The following PCDHGA1 variants were observed in gnomAD, a reference collection of about 807,000 sequenced individuals.
PCDHGA1 encodes the protein protocadherin gamma-A1.
In PCDHGA1, 32 loss-of-function variants were observed where a neutral mutation model predicts 58.0. The observed-to-expected ratio is 0.55, with a 90% CI of 0.42 to 0.74. The LOEUF (loss-of-function observed/expected upper bound fraction) is 0.74. Among genes scored for constraint, PCDHGA1 ranks in the 30% least tolerant of loss-of-function variants. The pLI is 0.00. For missense variants in PCDHGA1, 1,205 were observed against 1,182.3 expected, an observed-to-expected ratio of 1.02 and a Z score of -0.28; for synonymous variants, 498 against 501.1, an observed-to-expected ratio of 0.99 and a Z score of 0.08.
At chr5:141,369,791 C>T (rs1275823255) in intron 1 of PCDHGA1, among the ~76,000 whole-genome samples, 1 of 152,190 alleles carries the variant, frequency 6.6e-6, no homozygotes, top group African/African-American at 2.4e-5. Flanking sequence ...CTTTATACTA[C>T]GTCTTCTGCC....
At chr5:141,452,421 C>A (rs1211472567) in intron 1 of PCDHGA1, among the ~76,000 whole-genome samples, 2 of 152,180 alleles carry the variant, frequency 1.3e-5, no homozygotes, top group Non-Finnish European at 2.9e-5. Context: ...ATGCTCACTG[C>A]TAATGGGCTG....
intron 1 of PCDHGA1, chr5:141,356,168 A>G: frequency 6.2e-7 from 1 of 1,613,078 alleles, no homozygotes; most frequent in Non-Finnish European, 8.5e-7. Context: ...GAAGCCCATG[A>G]TGGGCCTGGT....
At position 141,432,275 on chromosome 5, in the gene PCDHGA1, T is replaced by C. The variant is rs775413198; in HGVS notation, c.2422-62532T>C. 2 of 1,614,232 alleles carry C rather than the reference T, an allele frequency of 1.2e-6. No homozygotes were observed. Among genetic ancestry groups the C allele is most frequent in the South Asian group, 2.2e-5 (2 of 91,086 alleles). On this transcript the variant is annotated intron_variant, in intron 1 of 3. Coordinates refer to ENST00000517417, the MANE Select transcript of PCDHGA1 (RefSeq NM_018912.3). This position sits in a 1 kb window ranked among gnomAD's most constrained non-coding sequence, Gnocchi z 6.0. ...AGGGGCAAGCCTATCGTCCTACGTG[T>C]CCATCAACTCCGACACTGGGGTACT... is the stretch of plus-strand genomic sequence containing the variant.
chr5:141,494,048 G>C (rs764072099), intron 1 of PCDHGA1, among the ~76,000 whole-genome samples: 3 of 152,148 alleles, frequency 2.0e-5, no homozygotes, highest in Non-Finnish European at 2.9e-5. Flanking sequence ...GGCCCTGCTT[G>C]GAGGCTGTGG....
chr5:141,401,350 A>G (rs1046893336), intron 1 of PCDHGA1, among the ~76,000 whole-genome samples: 2 of 152,226 alleles, frequency 1.3e-5, no homozygotes, highest in Non-Finnish European at 2.9e-5. Flanking sequence ...CTCAAAAAAA[A>G]GGAAGGAGAA....
In PCDHGA1 at chr5:141,477,982, G is replaced by A; in HGVS notation, c.2422-16825G>A. ...CTAACCAGAGCCTTTTTGCCATAGG[G>A]CTGCACACTGGTCAAATCAGTACTG... is the stretch of plus-strand genomic sequence containing the variant. On this transcript the variant is annotated intron_variant, in intron 1 of 3. Transcript: ENST00000517417. The surrounding 1 kb of genome is among the most constrained non-coding windows in gnomAD (Gnocchi z 4.9). 6.2e-7 allele frequency: 1 copy of A among 1,614,066 alleles called. No individual in the cohort carries two copies. Among genetic ancestry groups the A allele is most frequent in the Non-Finnish European group, 8.5e-7 (1 of 1,180,014 alleles).
intron 1 of PCDHGA1, chr5:141,384,509 G>T: frequency 6.2e-7 from 1 of 1,614,176 alleles, no homozygotes; most frequent in Non-Finnish European, 8.5e-7. Flanking sequence ...GCACATGACA[G>T]CGGGGACCCG....
chr5:141,387,347 T>C (rs1213698437), intron 1 of PCDHGA1, among the ~76,000 whole-genome samples: 1 of 152,152 alleles, frequency 6.6e-6, no homozygotes. Flanking sequence ...TCTGAGACGG[T>C]TTAGGCCAAG....
intron 1 of PCDHGA1, chr5:141,389,804 T>G (rs751634687): frequency 2.3e-5 from 37 of 1,613,616 alleles, no homozygotes; most frequent in Non-Finnish European, 3.1e-5. Flanking sequence ...GCCAGCGCCT[T>G]CTGGTCGCCG....
At chr5:141,433,481 G>C (rs2097613311) in intron 1 of PCDHGA1, among the ~76,000 whole-genome samples, 1 of 152,046 alleles carries the variant, frequency 6.6e-6, no homozygotes, top group African/African-American at 2.4e-5. Flanking sequence ...CTAGCCTCCT[G>C]CTTCTCCCTC....
chr5:141,350,807 C>A (rs541672672), intron 1 of PCDHGA1: 1 of 1,613,974 alleles, frequency 6.2e-7, no homozygotes, highest in South Asian at 1.1e-5. Flanking sequence ...GAAGGAAAGT[C>A]CTGATGGAAG....
At chr5:141,463,728 G>C (rs957615020) in intron 1 of PCDHGA1, among the ~76,000 whole-genome samples, 3 of 152,066 alleles carry the variant, frequency 2.0e-5, no homozygotes, top group African/African-American at 7.2e-5. Context: ...TTACAGGCAT[G>C]AGCCACCGCG....
chr5:141,359,995 T>G, intron 1 of PCDHGA1: 1 of 1,091,948 alleles, frequency 9.2e-7, no homozygotes, highest in South Asian at 2.1e-5. Flanking sequence ...GGGAACTTCC[T>G]GCACAAACCA....
rs568472427 is a variant in PCDHGA1, at chr5:141,460,924, A to G, written c.2422-33883A>G. 3.3e-4 allele frequency among the ~76,000 whole-genome samples: 50 copies of G among 150,592 alleles called. No homozygotes were observed. The East Asian group carries it at 6.6e-3, about 20-fold the overall frequency. Reference sequence around the variant, plus strand: ...AATATTCCATGGTGTATATATATATATGTGTGTGTGTATATATATGTATTA... The same window carrying G: ...AATATTCCATGGTGTATATATATATGTGTGTGTGTGTATATATATGTATTA... On this transcript the variant is annotated intron_variant, in intron 1 of 3. Coordinates refer to ENST00000517417, the MANE Select transcript of PCDHGA1 (RefSeq NM_018912.3).
At chr5:141,376,270 A>G (rs776888332) in intron 1 of PCDHGA1, 1 of 1,614,118 alleles carries the variant, frequency 6.2e-7, no homozygotes, top group African/African-American at 1.3e-5. Flanking sequence ...AGGCTTCGGG[A>G]GGTGGCTTAG....
rs1431516547 is a variant in PCDHGA1, at chr5:141,361,467, C to G, written c.2421+28362C>G. The G allele has an allele frequency of 5.6e-6, 9 of 1,613,928 alleles. No individual in the cohort carries two copies. The highest frequency in any genetic ancestry group is 7.6e-6 in the Non-Finnish European group (9 of 1,179,906). ...TAATTGTCACCCTGCACATCTCCGA[C>G]GTCAACGATAATGCCCCAGTTTTCC... On this transcript the variant is annotated intron_variant, in intron 1 of 3. Transcript: ENST00000517417.
In PCDHGA1 at chr5:141,388,127, C is replaced by T. The variant is rs760517049; in HGVS notation, c.2421+55022C>T. 21 of 1,427,554 alleles carry T rather than the reference C, an allele frequency of 1.5e-5. No homozygotes were observed. The African/African-American group carries it at 2.9e-4, about 20-fold the overall frequency. The allele number at this position is 1,427,554 out of a possible 1,614,324, so 88.4% of individuals were successfully genotyped here. On this transcript the variant is annotated intron_variant, in intron 1 of 3. Coordinates refer to ENST00000517417, the MANE Select transcript of PCDHGA1 (RefSeq NM_018912.3). ...CTTACTTCACCGTGAGCGCAGAGAG[C>T]GGGGAGTTGCTTGTGAGCAGCAGGC...
intron 1 of PCDHGA1, chr5:141,403,638 A>T (rs373036061): frequency 1.9e-6 from 3 of 1,613,906 alleles, no homozygotes; most frequent in Non-Finnish European, 2.5e-6. Flanking sequence ...GTGCGCATCC[A>T]TGTGACAGTG....
intron 1 of PCDHGA1, chr5:141,410,538 T>TG (rs768720792): frequency 8.1e-6 from 13 of 1,613,830 alleles, no homozygotes; most frequent in Non-Finnish European, 1.1e-5. Flanking sequence ...AATGAAGACA[T>TG]GGTTTGCAGT....
Sources: gnomAD v4.1 joint callset for allele counts (sites outside exome capture counted in the v4.1 genomes callset) on GRCh38, gnomAD v4.1.1 for gene constraint, Gnocchi (gnomAD v3.1) non-coding constraint, MANE v1.5 for transcripts, NCBI Gene and HGNC (gene_info 2026-07-23, HGNC 2026-07-21) for gene names.